Variants in RBFOX3 observed in about 807,000 individuals in gnomAD.
The protein encoded by RBFOX3 is RNA binding fox-1 homolog 3, also known as RNA binding protein fox-1 homolog 3.
RBFOX3 carries 17 observed loss-of-function variants against 48.7 expected under a neutral mutation model. The observed-to-expected ratio is 0.35, with a 90% CI of 0.24 to 0.52. RBFOX3 has a LOEUF of 0.52. RBFOX3 is among the 20% of genes least tolerant of loss of function. The probability of loss-of-function intolerance (pLI) is 0.94; values close to 1 mark genes in which losing one functional copy is unlikely to be tolerated. For missense variants in RBFOX3, 382 were observed against 497.5 expected (o/e 0.77, Z 2.21); for synonymous variants, 212 against 209.5 (o/e 1.01, Z -0.10).
intron 2 of RBFOX3, among the ~76,000 whole-genome samples, chr17:79,451,242 T>C (rs868946205): frequency 1.3e-5 from 2 of 152,082 alleles, no homozygotes; most frequent in Admixed American, 6.6e-5. Flanking sequence ...AAAAAATACA[T>C]TAGGAAATTT....
chr17:79,546,226 G>A (rs372876092), intron 1 of RBFOX3, among the ~76,000 whole-genome samples: 4 of 152,060 alleles, frequency 2.6e-5, no homozygotes, highest in South Asian at 2.1e-4. Flanking sequence ...GACCTCAGCC[G>A]AGAGCCCAAA....
At chr17:79,259,083 C>T (rs1161206794) in intron 3 of RBFOX3, among the ~76,000 whole-genome samples, 2 of 152,274 alleles carry the variant, frequency 1.3e-5, no homozygotes, top group South Asian at 4.1e-4. Flanking sequence ...TTCTCTTTCC[C>T]TTATAATTCT....
rs151005617 is a variant in RBFOX3, at chr17:79,460,399, C to T, written c.-175+22055G>A. Among the ~76,000 whole-genome samples, 614 of 152,300 alleles carry T rather than the reference C, an allele frequency of 4.0e-3. 1 individual carries two copies. The highest frequency in any genetic ancestry group is 6.6e-3 in the Non-Finnish European group (451 of 68,024). The stretch of plus-strand genomic sequence containing the variant: ...CTTCCAGTCTATCATCCACCACACT[C>T]CCACCACAGTCAGCTCCCCAGAATC... On this transcript the variant is annotated intron_variant, in intron 2 of 14. Coordinates refer to ENST00000693108, the MANE Select transcript of RBFOX3 (RefSeq NM_001350451.2).
intron 2 of RBFOX3, among the ~76,000 whole-genome samples, chr17:79,415,042 G>A (rs1384493165): frequency 2.0e-5 from 3 of 152,140 alleles, no homozygotes; most frequent in East Asian, 1.9e-4. Context: ...GTCCACATGC[G>A]GACAAAGACT....
upstream of RBFOX3, among the ~76,000 whole-genome samples, chr17:79,612,458 C>T (rs1368716078): frequency 8.5e-5 from 13 of 152,120 alleles, 1 homozygote; most frequent in African/African-American, 3.1e-4. Flanking sequence ...GTAGTAGGGG[C>T]TCTGGGCTGC....
intron 2 of RBFOX3, among the ~76,000 whole-genome samples, chr17:79,428,134 G>A (rs147017595): frequency 3.3e-5 from 5 of 152,362 alleles, no homozygotes; most frequent in East Asian, 1.9e-4. Flanking sequence ...CAATATCCTC[G>A]CTGTCCTCGT....
chr17:79,644,779 A>C, the RBFOX3 span, among the ~76,000 whole-genome samples: 1 of 152,224 alleles, frequency 6.6e-6, no homozygotes, highest in Admixed American at 6.5e-5. Context: ...GAAGACATAT[A>C]TCATGATTAT....
intron 1 of RBFOX3, among the ~76,000 whole-genome samples, chr17:79,533,403 C>A (rs1555787945): frequency 6.6e-6 from 1 of 152,250 alleles, no homozygotes; most frequent in African/African-American, 2.4e-5. Context: ...GATAAACCCA[C>A]CCCTCCGTGC....
intron 2 of RBFOX3, among the ~76,000 whole-genome samples, chr17:79,398,249 T>C (rs2889645): frequency 0.89 from 135,759 of 152,108 alleles, 60,713 homozygotes; most frequent in Middle Eastern, 0.95. Flanking sequence ...CTCCCAGAAC[T>C]GCCCCCCAAG....
At chr17:79,187,910 G>A (rs1030535936) in intron 4 of RBFOX3, among the ~76,000 whole-genome samples, 13 of 152,046 alleles carry the variant, frequency 8.6e-5, no homozygotes, top group Non-Finnish European at 1.9e-4. Context: ...GGCAAGGTCA[G>A]CTTGGGGATG....
At chr17:79,386,356 C>T (rs892637250) in intron 2 of RBFOX3, among the ~76,000 whole-genome samples, 5 of 151,748 alleles carry the variant, frequency 3.3e-5, no homozygotes, top group South Asian at 4.2e-4. Context: ...GAAGGCTCCA[C>T]GATTTCCCGT....
chr17:79,622,363 C>T, the RBFOX3 span, among the ~76,000 whole-genome samples: 3 of 152,162 alleles, frequency 2.0e-5, no homozygotes, highest in Non-Finnish European at 2.9e-5. Flanking sequence ...GCACCCTCCC[C>T]GGGCTCTCCC....
At position 79,483,308 on chromosome 17, in the gene RBFOX3, C is replaced by T. The variant is rs797028020; in HGVS notation, c.-319-710G>A. Among the ~76,000 whole-genome samples, 210 of 151,874 alleles carry T rather than the reference C, an allele frequency of 1.4e-3. 1 individual carries two copies. The highest frequency in any genetic ancestry group is 4.7e-3 in the African/African-American group (195 of 41,378). On this transcript the variant is annotated intron_variant, in intron 1 of 14. Transcript: ENST00000693108. The stretch of plus-strand genomic sequence containing the variant: ...TCTGGCTCCCTCTCCTAGTATACTC[C>T]CTCTCTCCCCTGCAGCCCCACTGGC...
chr17:79,092,410 T>C, intron 14 of RBFOX3: 1 of 985,394 alleles, frequency 1.0e-6, no homozygotes, highest in Non-Finnish European at 1.2e-6. Context: ...CCAGCACAGG[T>C]GGGGTGGGGA....
intron 3 of RBFOX3, among the ~76,000 whole-genome samples, chr17:79,293,264 C>A (rs368339013): frequency 3.3e-5 from 5 of 152,166 alleles, no homozygotes; most frequent in Non-Finnish European, 7.3e-5. Context: ...CAAAAATGTT[C>A]CAAGTTACTC....
At chr17:79,283,269 T>TC (rs1486355338) in intron 3 of RBFOX3, among the ~76,000 whole-genome samples, 2 of 35,196 alleles carry the variant, frequency 5.7e-5, no homozygotes, top group Non-Finnish European at 1.2e-4. Flanking sequence ...CCTTTTCTTT[T>TC]TTTTTTTTTT....
At chr17:79,458,255 T>G (rs1165300170) in intron 2 of RBFOX3, among the ~76,000 whole-genome samples, 2 of 152,234 alleles carry the variant, frequency 1.3e-5, no homozygotes, top group African/African-American at 2.4e-5. Context: ...GTCAGGGCCT[T>G]GTTTTTGTTT....
At chr17:79,542,662 T>C (rs1883321912) in intron 1 of RBFOX3, among the ~76,000 whole-genome samples, 1 of 152,174 alleles carries the variant, frequency 6.6e-6, no homozygotes, top group Non-Finnish European at 1.5e-5. Context: ...TGCATATCTG[T>C]AATTCCAGCT....
At chr17:79,223,430 C>T (rs956552311) in intron 4 of RBFOX3, among the ~76,000 whole-genome samples, 1 of 152,212 alleles carries the variant, frequency 6.6e-6, no homozygotes, top group Admixed American at 6.5e-5. Context: ...GCACGCAGAA[C>T]CTTCCCCTGG....
Sources: gnomAD v4.1 joint callset for allele counts (sites outside exome capture counted in the v4.1 genomes callset) on GRCh38, gnomAD v4.1.1 for gene constraint, MANE v1.5 for transcripts, NCBI Gene and HGNC (gene_info 2026-07-23, HGNC 2026-07-21) for gene names.